Variants in GPATCH2 observed in about 807,000 individuals in gnomAD.
The protein encoded by GPATCH2 is G patch domain-containing protein 2.
In GPATCH2, 51 loss-of-function variants were observed where a neutral mutation model predicts 58.0. The ratio of observed to expected loss-of-function variants is 0.88; its 90% CI spans 0.70 to 1.11. The LOEUF is 1.11. Among genes scored for constraint, GPATCH2 ranks in the 50% most tolerant of loss-of-function variants. The pLI, the probability that GPATCH2 is intolerant of heterozygous loss-of-function variation, is 0.00. For synonymous variants in GPATCH2, 222 were observed against 218.5 expected (o/e 1.02, Z -0.14); for missense variants, 625 against 652.2 (o/e 0.96, Z 0.45).
intron 9 of GPATCH2, among the ~76,000 whole-genome samples, chr1:217,437,556 G>T (rs1010262548): frequency 6.6e-6 from 1 of 152,164 alleles, no homozygotes; most frequent in Non-Finnish European, 1.5e-5. Flanking sequence ...GGGAAGGGGC[G>T]TCCGCCATTA....
At position 217,427,506 on chromosome 1, in the gene GPATCH2, A is replaced by G. The variant is rs1046825153; in HGVS notation, c.*3639T>C. On this transcript the variant is annotated 3_prime_UTR_variant, in exon 10 of 10. Transcript: ENST00000366935. ...GTAAAAGGGAAACATTTAAAGCACA[A>G]AGACAATGACTACTTATAAATAATG... 4 of 152,162 alleles carry G rather than the reference A, an allele frequency of 2.6e-5. No individual in the cohort carries two copies. The highest frequency in any genetic ancestry group is 9.7e-5 in the African/African-American group (4 of 41,450). The allele number at this position is 152,162 out of a possible 1,614,324, so 9.4% of individuals were successfully genotyped here.
At chr1:217,532,903 T>TG (rs1558464194) in intron 5 of GPATCH2, among the ~76,000 whole-genome samples, 41 of 71,910 alleles carry the variant, frequency 5.7e-4, no homozygotes, top group South Asian at 1.1e-3. Flanking sequence ...TTTTTTTGTT[T>TG]TTTTTTTTTT....
Position 217,620,117 on chromosome 1 carries a change from C to T in GPATCH2, c.439G>A (p.Asp147Asn). 17 of 1,614,140 alleles carry T rather than the reference C, an allele frequency of 1.1e-5. No homozygotes were observed. Among genetic ancestry groups the T allele is most frequent in the Non-Finnish European group, 1.4e-5 (17 of 1,180,024 alleles). The change falls in exon 2 of 10, where the codon GAT becomes AAT. Residue 147 changes from aspartate to asparagine, a missense_variant. Physicochemically the swap from Asp to Asn is conservative, Grantham distance 23. Coordinates refer to ENST00000366935, the MANE Select transcript of GPATCH2 (RefSeq NM_018040.5). Reference protein sequence around the residue: ...RGKRPLWHESDFAVDNVGNRT... With the variant: ...RGKRPLWHESNFAVDNVGNRT... ...TTCCCAACATTGTCCACAGCAAAAT[C>T]AGACTCATGCCATAGAGGTCTTTTC...
intron 5 of GPATCH2, among the ~76,000 whole-genome samples, chr1:217,544,470 T>G (rs1389106730): frequency 6.6e-6 from 1 of 151,704 alleles, no homozygotes; most frequent in Non-Finnish European, 1.5e-5. Context: ...AACATTCTTT[T>G]AAAAAAAAAG....
At chr1:217,603,900 G>A (rs563996980) in intron 5 of GPATCH2, among the ~76,000 whole-genome samples, 1 of 152,126 alleles carries the variant, frequency 6.6e-6, no homozygotes, top group Non-Finnish European at 1.5e-5. Context: ...TGTGATTATA[G>A]GTGTGAGCCA....
chr1:217,580,517 G>A (rs562289200), intron 5 of GPATCH2, among the ~76,000 whole-genome samples: 161 of 152,182 alleles, frequency 1.1e-3, no homozygotes, highest in African/African-American at 3.4e-3. Flanking sequence ...AATTTTCCCC[G>A]TTATCTCAAA....
intron 5 of GPATCH2, among the ~76,000 whole-genome samples, chr1:217,579,469 G>A (rs1316261894): frequency 1.3e-5 from 2 of 151,868 alleles, no homozygotes. Flanking sequence ...TTGACACAGA[G>A]ATGTGTAAAT....
intron 6 of GPATCH2, among the ~76,000 whole-genome samples, chr1:217,510,410 A>G (rs1039552184): frequency 4.0e-5 from 6 of 151,686 alleles, no homozygotes; most frequent in Non-Finnish European, 7.4e-5. Context: ...TTTCTTTAAA[A>G]GTTGAAAATT....
At chr1:217,453,050 C>T (rs114469192) in intron 8 of GPATCH2, among the ~76,000 whole-genome samples, 20 of 152,268 alleles carry the variant, frequency 1.3e-4, no homozygotes, top group Non-Finnish European at 2.2e-4. Context: ...ATTTAGTTGT[C>T]ACTCTTCATG....
chr1:217,427,234 C>A lies in GPATCH2; in HGVS notation c.*3911G>T, dbSNP rs760874979. ...CACAGAATCCTTGAGGGGAAAGAGA[C>A]CTTAAGCAAGTTAGTCTAATCAAGC... On this transcript the variant is annotated 3_prime_UTR_variant, in exon 10 of 10. Coordinates refer to ENST00000366935, the MANE Select transcript of GPATCH2 (RefSeq NM_018040.5). The A allele has an allele frequency of 6.6e-6, 1 of 152,036 alleles. No individual in the cohort carries two copies. The highest frequency in any genetic ancestry group is 2.1e-4 in the South Asian group (1 of 4,828). The allele number at this position is 152,036 out of a possible 1,614,324, so 9.4% of individuals were successfully genotyped here. A position where few individuals can be genotyped will look rare whatever the true frequency, so the allele number is the denominator to read the frequency against.
chr1:217,555,545 C>A lies in GPATCH2; in HGVS notation c.1099-40656G>T, dbSNP rs867948011. ...TTTGAATCTCACTTTTACTTACTCTCGGGAGCACTGTAAGGTAAAGAAAGA... is the reference window on the plus strand; with the variant it reads ...TTTGAATCTCACTTTTACTTACTCTAGGGAGCACTGTAAGGTAAAGAAAGA... On this transcript the variant is annotated intron_variant, in intron 5 of 9. Transcript: ENST00000366935. Among the ~76,000 whole-genome samples, 9 of 152,124 alleles carry A rather than the reference C, an allele frequency of 5.9e-5. No homozygotes were observed. The South Asian group carries it at 1.0e-3, about 18-fold the overall frequency.
At chr1:217,592,623 T>C (rs890842493) in intron 5 of GPATCH2, among the ~76,000 whole-genome samples, 37 of 152,042 alleles carry the variant, frequency 2.4e-4, no homozygotes, top group African/African-American at 8.7e-4. Flanking sequence ...AGCACCACAT[T>C]TTGTACATGT....
At chr1:217,514,214 C>T (rs1164884456) in intron 6 of GPATCH2, among the ~76,000 whole-genome samples, 1 of 151,650 alleles carries the variant, frequency 6.6e-6, no homozygotes, top group Non-Finnish European at 1.5e-5. Context: ...GGCTGGAGTG[C>T]AGTGGCATGA....
chr1:217,579,438 G>A (rs1666956385), intron 5 of GPATCH2, among the ~76,000 whole-genome samples: 1 of 151,718 alleles, frequency 6.6e-6, no homozygotes, highest in African/African-American at 2.4e-5. Context: ...TAACTTATTG[G>A]AAAATTCGCT....
chr1:217,508,945 T>C (rs1662700947), intron 6 of GPATCH2, among the ~76,000 whole-genome samples: 1 of 152,208 alleles, frequency 6.6e-6, no homozygotes, highest in Admixed American at 6.5e-5. Context: ...AATTACTAGA[T>C]GTTATTTAAG....
At chr1:217,598,808 G>A (rs1489690368) in intron 5 of GPATCH2, among the ~76,000 whole-genome samples, 2 of 152,182 alleles carry the variant, frequency 1.3e-5, no homozygotes, top group Non-Finnish European at 1.5e-5. Context: ...AGCTCCCATC[G>A]TTGGAGCTAC....
chr1:217,534,574 GAAAAAAA>G (rs34766373), intron 5 of GPATCH2, among the ~76,000 whole-genome samples: 1 of 147,260 alleles, frequency 6.8e-6, no homozygotes, highest in Non-Finnish European at 1.5e-5. Flanking sequence ...TACAGTCTGT[GAAAAAAA>G]AAAAAAAAGA....
rs1284385096 is a variant in GPATCH2, at chr1:217,620,147, G to A, written c.409C>T (p.Arg137Ter). The A allele has an allele frequency of 1.9e-6, 3 of 1,613,766 alleles. No individual in the cohort carries two copies. Among genetic ancestry groups the A allele is most frequent in the Non-Finnish European group, 1.7e-6 (2 of 1,179,878 alleles). Residue 137 changes from arginine (R) to a stop codon, truncating the protein, a stop_gained, in exon 2 of 10, where the codon CGA (arginine) becomes TGA (stop). Coordinates refer to ENST00000366935, the MANE Select transcript of GPATCH2 (RefSeq NM_018040.5). LOFTEE classifies it high-confidence loss of function. ...RPSSNLNNNV[R>*]GKRPLWHESD... ...TCATGCCATAGAGGTCTTTTCCCTC[G>A]AACATTATTATTTAAGTTTGATGAC...
In GPATCH2 at chr1:217,503,489, A is replaced by G. The variant is rs115137338; in HGVS notation, c.1167-5094T>C. Among the ~76,000 whole-genome samples, 902 of 152,282 alleles carry G rather than the reference A, an allele frequency of 5.9e-3. 11 individuals are homozygous for G. Among genetic ancestry groups the G allele is most frequent in the African/African-American group, 0.02 (845 of 41,570 alleles). On this transcript the variant is annotated intron_variant, in intron 6 of 9. Coordinates refer to ENST00000366935, the MANE Select transcript of GPATCH2 (RefSeq NM_018040.5). Reference sequence around the variant, plus strand: ...GAAAAAAAACCTTTCAATCAAAAGCATAGGTGTTATGAATTAGCCTTGGAC... The same window carrying G: ...GAAAAAAAACCTTTCAATCAAAAGCGTAGGTGTTATGAATTAGCCTTGGAC...
Sources: gnomAD v4.1 joint callset for allele counts (sites outside exome capture counted in the v4.1 genomes callset) on GRCh38, gnomAD v4.1.1 for gene constraint, MANE v1.5 for transcripts, NCBI Gene and HGNC (gene_info 2026-07-23, HGNC 2026-07-21) for gene names.